Variants in KCNQ5 observed in about 807,000 individuals in gnomAD.
The protein encoded by KCNQ5 is potassium voltage-gated channel subfamily Q member 5, also known as potassium voltage-gated channel subfamily KQT member 5.
A neutral mutation model predicts 98.2 loss-of-function variants in KCNQ5; 30 were observed. The ratio of observed to expected loss-of-function variants is 0.31; its 90% CI spans 0.23 to 0.41. KCNQ5 has a LOEUF of 0.41. Among genes scored for constraint, KCNQ5 ranks in the 10% least tolerant of loss-of-function variants. The probability of loss-of-function intolerance (pLI) is 1.00; values close to 1 mark genes in which losing one functional copy is unlikely to be tolerated. For synonymous variants in KCNQ5, 458 were observed against 449.4 expected, an observed-to-expected ratio of 1.02 and a Z score of -0.24; for missense variants, 835 against 1,182.5, an observed-to-expected ratio of 0.71 and a Z score of 4.31.
At chr6:72,670,485 A>G (rs1767046040) in intron 1 of KCNQ5, among the ~76,000 whole-genome samples, 1 of 151,948 alleles carries the variant, frequency 6.6e-6, no homozygotes, top group South Asian at 2.1e-4. Flanking sequence ...TTTTGTTTTT[A>G]GGTACTTTTT....
intron 10 of KCNQ5, chr6:73,136,532 T>C (rs910335609): frequency 6.6e-6 from 1 of 152,230 alleles, no homozygotes; most frequent in African/African-American, 2.4e-5. Context: ...TACAAAAGAA[T>C]TGCTTCTCCC....
intron 1 of KCNQ5, among the ~76,000 whole-genome samples, chr6:72,842,935 T>A (rs553944206): frequency 6.6e-6 from 1 of 152,346 alleles, no homozygotes; most frequent in South Asian, 2.1e-4. Context: ...ATTCTGTAGG[T>A]TGCCTGTTTG....
intron 1 of KCNQ5, among the ~76,000 whole-genome samples, chr6:72,847,664 C>T (rs1478533249): frequency 6.6e-6 from 1 of 152,190 alleles, no homozygotes; most frequent in African/African-American, 2.4e-5. Context: ...TCCTTCCATC[C>T]CCTGTATTTC....
intron 1 of KCNQ5, among the ~76,000 whole-genome samples, chr6:72,675,321 G>A (rs1382481195): frequency 6.6e-6 from 1 of 152,132 alleles, no homozygotes; most frequent in African/African-American, 2.4e-5. Context: ...CTAAGGAACT[G>A]CAAAATTGTC....
intron 1 of KCNQ5, among the ~76,000 whole-genome samples, chr6:72,850,613 G>T (rs911477073): frequency 6.6e-6 from 1 of 152,174 alleles, no homozygotes; most frequent in Non-Finnish European, 1.5e-5. Flanking sequence ...GAATGTTTGT[G>T]AAGTACTTGA....
chr6:72,726,322 T>C (rs1458380909), intron 1 of KCNQ5, among the ~76,000 whole-genome samples: 1 of 151,744 alleles, frequency 6.6e-6, no homozygotes, highest in Non-Finnish European at 1.5e-5. Context: ...GAAGTTCTCC[T>C]GCCTCAGCCT....
intron 1 of KCNQ5, among the ~76,000 whole-genome samples, chr6:72,972,936 A>C (rs945431621): frequency 1.3e-5 from 2 of 152,242 alleles, no homozygotes; most frequent in Non-Finnish European, 2.9e-5. Flanking sequence ...CTAACAGTAC[A>C]TCAGAGATTT....
At position 72,862,660 on chromosome 6, in the gene KCNQ5, C is replaced by G. The variant is rs569737534; in HGVS notation, c.399-141248C>G. 7.9e-5 allele frequency among the ~76,000 whole-genome samples: 12 copies of G among 152,208 alleles called. 1 individual carries two copies. In the South Asian group the frequency reaches 1.9e-3, roughly 24 times the overall value. On this transcript the variant is annotated intron_variant, in intron 1 of 13. Transcript: ENST00000370398. ...TATTTATTTTTGAGACAGGGTCTCG[C>G]TCTGTCACCTAGGCTGGAGTCCAGT...
At chr6:72,663,030 CTCAAGAACAG>C (rs1343668888) in intron 1 of KCNQ5, among the ~76,000 whole-genome samples, 19 of 152,062 alleles carry the variant, frequency 1.2e-4, no homozygotes, top group Admixed American at 1.2e-3. Context: ...AATCCTGTTT[CTCAAGAACAG>C]AAAACCGAAC....
chr6:72,632,685 G>A (rs975142960), intron 1 of KCNQ5, among the ~76,000 whole-genome samples: 1 of 152,094 alleles, frequency 6.6e-6, no homozygotes, highest in Non-Finnish European at 1.5e-5. Context: ...GTGGTACTTG[G>A]TTTTCTTTTC....
intron 1 of KCNQ5, among the ~76,000 whole-genome samples, chr6:72,832,164 G>T (rs1489680811): frequency 1.3e-5 from 2 of 152,128 alleles, no homozygotes; most frequent in Admixed American, 1.3e-4. Context: ...ATGGAGAGAT[G>T]AGAATTGATG....
At chr6:72,997,148 C>CT (rs1168073492) in intron 1 of KCNQ5, among the ~76,000 whole-genome samples, 13 of 152,152 alleles carry the variant, frequency 8.5e-5, no homozygotes, top group African/African-American at 3.1e-4. Flanking sequence ...GCACAACTGT[C>CT]TATCAGTGAT....
chr6:73,022,997 T>G (rs558192574), intron 2 of KCNQ5, among the ~76,000 whole-genome samples: 1 of 152,334 alleles, frequency 6.6e-6, no homozygotes, highest in Admixed American at 6.5e-5. Context: ...TGACCTGATC[T>G]GATCAAATTT....
chr6:72,918,673 T>C (rs905062163), intron 1 of KCNQ5, among the ~76,000 whole-genome samples: 1 of 151,820 alleles, frequency 6.6e-6, no homozygotes, highest in African/African-American at 2.4e-5. Flanking sequence ...AACCAATCAA[T>C]ACAATGAGAG....
chr6:72,766,478 A>G (rs934118609), intron 1 of KCNQ5, among the ~76,000 whole-genome samples: 5 of 152,020 alleles, frequency 3.3e-5, no homozygotes, highest in Non-Finnish European at 7.4e-5. Flanking sequence ...ATATGGCGGT[A>G]CTAGAAAGGA....
chr6:72,835,942 C>G (rs1562014369), intron 1 of KCNQ5, among the ~76,000 whole-genome samples: 1 of 152,206 alleles, frequency 6.6e-6, no homozygotes, highest in Non-Finnish European at 1.5e-5. Context: ...ATTCACACAT[C>G]ACACTGGTAG....
intron 7 of KCNQ5, among the ~76,000 whole-genome samples, chr6:73,114,624 T>G (rs6917652): frequency 0.071 from 10,759 of 152,238 alleles, 1,180 homozygotes; most frequent in African/African-American, 0.24. Context: ...GCTTTTTAGT[T>G]TGCAGGGTGC....
intron 1 of KCNQ5, among the ~76,000 whole-genome samples, chr6:72,971,643 G>C (rs1477130022): frequency 6.6e-6 from 1 of 152,170 alleles, no homozygotes. Context: ...ATACACCATG[G>C]AATACTTTGC....
At chr6:72,762,305 T>C (rs1772328095) in intron 1 of KCNQ5, among the ~76,000 whole-genome samples, 1 of 151,390 alleles carries the variant, frequency 6.6e-6, no homozygotes, top group Non-Finnish European at 1.5e-5. Flanking sequence ...TAAAGGGAGG[T>C]GAAAAGGGAG....
Sources: gnomAD v4.1 joint callset for allele counts (sites outside exome capture counted in the v4.1 genomes callset) on GRCh38, gnomAD v4.1.1 for gene constraint, MANE v1.5 for transcripts, NCBI Gene and HGNC (gene_info 2026-07-23, HGNC 2026-07-21) for gene names.